The following DOCK9 variants were observed in gnomAD, a reference collection of about 807,000 sequenced individuals.
DOCK9 encodes dedicator of cytokinesis 9.
DOCK9 carries 89 observed loss-of-function variants against 263.3 expected under a neutral mutation model. The ratio of observed to expected loss-of-function variants is 0.34; its 90% CI spans 0.28 to 0.40. The LOEUF (loss-of-function observed/expected upper bound fraction) is 0.40, where lower values mean the gene tolerates loss of function less well. DOCK9 is among the 10% of genes least tolerant of loss of function. The probability of loss-of-function intolerance (pLI) is 1.00; values close to 1 mark genes in which losing one functional copy is unlikely to be tolerated. For missense variants in DOCK9, 2,140 were observed against 2,603.4 expected (o/e 0.82, Z 3.87); for synonymous variants, 976 against 973.1 (o/e 1.00, Z -0.06).
intron 1 of DOCK9, among the ~76,000 whole-genome samples, chr13:99,061,980 TC>T (rs1428689844): frequency 6.6e-6 from 1 of 151,870 alleles, no homozygotes; most frequent in African/African-American, 2.4e-5. Context: ...CAAGTGATCC[TC>T]CCACCTCAAC....
At chr13:98,885,562 G>T in intron 20 of DOCK9, 146 bp downstream of exon 20, 23 of 774,434 alleles carry the variant, frequency 3.0e-5, no homozygotes, top group Non-Finnish European at 3.6e-5. Flanking sequence ...AATTACATAT[G>T]CAACCCAGAC....
At chr13:99,007,212 A>C (rs562104998) in intron 1 of DOCK9, among the ~76,000 whole-genome samples, 2 of 151,954 alleles carry the variant, frequency 1.3e-5, no homozygotes, top group Admixed American at 6.6e-5. Context: ...ACATGGTGAA[A>C]CCCTGTCTCT....
At chr13:99,065,828 T>C (rs2041390594) in intron 1 of DOCK9, among the ~76,000 whole-genome samples, 1 of 152,220 alleles carries the variant, frequency 6.6e-6, no homozygotes, top group African/African-American at 2.4e-5. Flanking sequence ...AGGATCTGTC[T>C]CACTCATCCT....
chr13:98,861,613 G>A (rs1427375220), intron 32 of DOCK9, among the ~76,000 whole-genome samples: 1 of 152,180 alleles, frequency 6.6e-6, no homozygotes, highest in African/African-American at 2.4e-5. Flanking sequence ...CAACTGAAAT[G>A]TGACAAGAAA....
At chr13:98,965,358 C>T (rs1183274182) in intron 1 of DOCK9, among the ~76,000 whole-genome samples, 1 of 152,188 alleles carries the variant, frequency 6.6e-6, no homozygotes, top group Non-Finnish European at 1.5e-5. Context: ...CCAGACTGCT[C>T]CTGAGTGTCT....
chr13:98,915,382 T>C lies in DOCK9; in HGVS notation c.839A>G (p.Gln280Arg). ...TTGCATTGCAGCTTCAAAGTTGAGCTGGAGGATCTTATTTAGAATTGTGAT... is the reference window on the plus strand; with the variant it reads ...TTGCATTGCAGCTTCAAAGTTGAGCCGGAGGATCTTATTTAGAATTGTGAT... ...EWITILNKIL[Q>R]LNFEAAMQEK... The change falls in exon 8 of 53, where the codon CAG becomes CGG. Residue 280 changes from glutamine (Q) to arginine (R), a missense_variant. Around this residue, in one of 2 missense-constraint regions of DOCK9, gnomAD observed 1,521 missense variants for 1,741.7 expected, o/e 0.87. Coordinates refer to ENST00000682017, the MANE Select transcript of DOCK9 (RefSeq NM_001366683.2). 6.2e-7 allele frequency: 1 copy of C among 1,614,014 alleles called. No homozygotes were observed. Among genetic ancestry groups the C allele is most frequent in the Non-Finnish European group, 8.5e-7 (1 of 1,179,874 alleles).
chr13:98,811,134 TGG>T (rs1331091847), intron 45 of DOCK9, among the ~76,000 whole-genome samples: 2 of 152,268 alleles, frequency 1.3e-5, no homozygotes, highest in African/African-American at 2.4e-5. Context: ...GTTAAAGGTT[TGG>T]ATTGATTGAT....
chr13:98,999,870 T>G (rs1266443544), intron 1 of DOCK9, among the ~76,000 whole-genome samples: 1 of 152,186 alleles, frequency 6.6e-6, no homozygotes. Flanking sequence ...GGTGGTTGAA[T>G]GCTAAGGGTG....
At chr13:98,795,099 C>A (rs1257013476) in intron 52 of DOCK9, among the ~76,000 whole-genome samples, 3 of 152,156 alleles carry the variant, frequency 2.0e-5, no homozygotes, top group African/African-American at 7.2e-5. Context: ...CATTTTGTTT[C>A]TTTTACAAAG....
At chr13:98,881,792 A>G in intron 24 of DOCK9, 100 bp downstream of exon 24, 1 of 1,295,850 alleles carries the variant, frequency 7.7e-7, no homozygotes, top group Admixed American at 2.0e-5. Flanking sequence ...CATTTCTTAA[A>G]TGTAATGTTC....
At chr13:98,972,114 T>C (rs7326377) in intron 1 of DOCK9, among the ~76,000 whole-genome samples, 79,201 of 152,038 alleles carry the variant, frequency 0.52, 20,925 homozygotes, top group East Asian at 0.75. Flanking sequence ...CTGCCACTTA[T>C]TGAATGTGTA....
intron 1 of DOCK9, among the ~76,000 whole-genome samples, chr13:98,989,106 C>G (rs1879149127): frequency 6.6e-6 from 1 of 152,090 alleles, no homozygotes; most frequent in Non-Finnish European, 1.5e-5. Flanking sequence ...GCAATGTTCG[C>G]CCACCTCTTC....
At chr13:99,045,120 T>C (rs1453968645) in intron 1 of DOCK9, among the ~76,000 whole-genome samples, 2 of 152,106 alleles carry the variant, frequency 1.3e-5, no homozygotes, top group Non-Finnish European at 2.9e-5. Flanking sequence ...AGATTAAAAA[T>C]AGGACTAGCA....
intron 7 of DOCK9, 73 bp downstream of exon 7, chr13:98,920,881 T>C: frequency 7.0e-7 from 1 of 1,428,228 alleles, no homozygotes; most frequent in Non-Finnish European, 9.3e-7. Context: ...AGTGTTTGCT[T>C]AAATCTGCTA....
chr13:98,991,553 T>C (rs1334609208), intron 1 of DOCK9, among the ~76,000 whole-genome samples: 1 of 152,254 alleles, frequency 6.6e-6, no homozygotes, highest in East Asian at 1.9e-4. Flanking sequence ...AGAGTTTTTT[T>C]ATTGATTACT....
At chr13:98,886,773 T>C (rs1227099482) in intron 18 of DOCK9, 149 bp from the exon 19 acceptor site, 1 of 700,770 alleles carries the variant, frequency 1.4e-6, no homozygotes, top group Non-Finnish European at 2.3e-6. Context: ...CCCGGACTGC[T>C]GGGTCCTGCC....
At chr13:98,832,078 C>T (rs2296987) in intron 39 of DOCK9, 278,258 of 287,036 alleles carry the variant, frequency 0.97, 135,016 homozygotes, top group Admixed American at 0.98. Context: ...TTTTACTGTC[C>T]ACCAGCAGCT....
At chr13:98,990,740 T>G (rs951289107) in intron 1 of DOCK9, among the ~76,000 whole-genome samples, 1 of 152,216 alleles carries the variant, frequency 6.6e-6, no homozygotes, top group Non-Finnish European at 1.5e-5. Flanking sequence ...CAGCAATACA[T>G]ATGAGCACCC....
chr13:98,924,496 A>G (rs1287036058), intron 4 of DOCK9, among the ~76,000 whole-genome samples: 1 of 152,218 alleles, frequency 6.6e-6, no homozygotes, highest in Non-Finnish European at 1.5e-5. Context: ...CAATTTGCCA[A>G]CTGCTATGGT....
Sources: allele counts gnomAD v4.1 joint callset (sites outside exome capture counted in the v4.1 genomes callset), GRCh38; gene constraint gnomAD v4.1.1; regional missense constraint gnomAD v4.1.1; transcripts MANE v1.5; gene names NCBI Gene and HGNC (gene_info 2026-07-23, HGNC 2026-07-21).